Variants in BCL2L14 observed in about 807,000 individuals in gnomAD.
The protein encoded by BCL2L14 is apoptosis facilitator Bcl-2-like protein 14.
Under a neutral mutation model 35.3 loss-of-function variants are expected in BCL2L14, and 27 were observed. That is an observed-to-expected ratio of 0.76 (90% CI 0.56 to 1.05). The LOEUF (loss-of-function observed/expected upper bound fraction) is 1.05, where lower values mean the gene tolerates loss of function less well. BCL2L14 is among the 50% of genes least tolerant of loss of function. The pLI is 0.00. For missense variants in BCL2L14, 377 were observed against 382.6 expected (o/e 0.99, Z 0.12); for synonymous variants, 139 against 145.9 (o/e 0.95, Z 0.34).
At chr12:12,055,209 AG>A (rs1372614593) in intron 2 of BCL2L14, 1 of 152,212 alleles carries the variant, frequency 6.6e-6, no homozygotes, top group Non-Finnish European at 1.5e-5. Context: ...GCACAATTCA[AG>A]TACACATACG....
At chr12:12,091,552 C>A (rs922299389) in intron 4 of BCL2L14, among the ~76,000 whole-genome samples, 12 of 152,130 alleles carry the variant, frequency 7.9e-5, no homozygotes, top group African/African-American at 2.9e-4. Flanking sequence ...GACATAGACC[C>A]TTGTTTTTCC....
chr12:12,082,486 C>A (rs1948949583), intron 2 of BCL2L14, among the ~76,000 whole-genome samples: 1 of 152,184 alleles, frequency 6.6e-6, no homozygotes, highest in Admixed American at 6.5e-5. Flanking sequence ...CTTTTACAGA[C>A]CTTAGTCTTC....
chr12:12,069,545 A>C (rs1449583044), upstream of BCL2L14, among the ~76,000 whole-genome samples: 2 of 132,644 alleles, frequency 1.5e-5, no homozygotes, highest in Non-Finnish European at 3.4e-5. Context: ...TAAAAATACA[A>C]AAAAAAAAAA....
intron 4 of BCL2L14, among the ~76,000 whole-genome samples, chr12:12,091,811 C>G (rs1164503768): frequency 6.6e-6 from 1 of 152,140 alleles, no homozygotes; most frequent in Admixed American, 6.5e-5. Flanking sequence ...GCAGAGGAAG[C>G]AAGAGATGGA....
At chr12:12,094,615 C>T (rs188940783) in intron 4 of BCL2L14, 49 bp from the exon 5 acceptor site, 3 of 1,614,104 alleles carry the variant, frequency 1.9e-6, no homozygotes, top group African/African-American at 2.7e-5. Flanking sequence ...CTTCTGTCTG[C>T]CTCGTGGAGC....
chr12:12,088,462 C>T (rs1265446705), intron 3 of BCL2L14, among the ~76,000 whole-genome samples: 1 of 152,166 alleles, frequency 6.6e-6, no homozygotes, highest in African/African-American at 2.4e-5. Flanking sequence ...GAAAATGCGG[C>T]CGCCATGTTG....
Position 12,099,204 on chromosome 12 carries a change from G to A in BCL2L14, c.*216G>A. 1 of 542,418 alleles carries A rather than the reference G, an allele frequency of 1.8e-6. No homozygotes were observed. Among genetic ancestry groups the A allele is most frequent in the South Asian group, 2.3e-5 (1 of 44,174 alleles). The allele number at this position is 542,418 out of a possible 1,614,324, so 33.6% of individuals were successfully genotyped here. The stretch of plus-strand genomic sequence containing the variant: ...TCATCCTTGACAGTGATGTTTTTCA[G>A]GCCCTCCATTGAGAACCTGAGGAAA... On this transcript the variant is annotated 3_prime_UTR_variant, in exon 6 of 6. Coordinates refer to ENST00000308721, the MANE Select transcript of BCL2L14 (RefSeq NM_138723.2).
chr12:12,087,459 A>C, intron 3 of BCL2L14, 73 bp downstream of exon 3: 1 of 1,514,478 alleles, frequency 6.6e-7, no homozygotes, highest in Non-Finnish European at 9.0e-7. Context: ...TATCCATCCC[A>C]GGGCTCGGCA....
At chr12:12,064,943 C>CAGCA in intron 2 of BCL2L14, among the ~76,000 whole-genome samples, 1 of 152,316 alleles carries the variant, frequency 6.6e-6, no homozygotes, top group Non-Finnish European at 1.5e-5. Context: ...TATAGCAACA[C>CAGCA]AGCACTATCA....
chr12:12,090,168 C>T (rs995297486), intron 3 of BCL2L14, among the ~76,000 whole-genome samples: 59 of 152,122 alleles, frequency 3.9e-4, no homozygotes, highest in African/African-American at 1.3e-3. Flanking sequence ...AAACCGATGT[C>T]TTCAACAACA....
chr12:12,095,353 A>T, intron 5 of BCL2L14: 1 of 985,408 alleles, frequency 1.0e-6, no homozygotes, highest in Non-Finnish European at 1.2e-6. Flanking sequence ...GCAGAGACTC[A>T]GGGTTCATGG....
intron 2 of BCL2L14, among the ~76,000 whole-genome samples, chr12:12,085,038 C>T (rs920235514): frequency 7.0e-6 from 1 of 143,418 alleles, no homozygotes; most frequent in Non-Finnish European, 1.5e-5. Flanking sequence ...GAGCCGAGAT[C>T]GTGCCATTGC....
intron 5 of BCL2L14, chr12:12,096,094 T>A: frequency 1.0e-6 from 1 of 985,312 alleles, no homozygotes; most frequent in South Asian, 4.7e-5. Flanking sequence ...TCCTGACCCT[T>A]CCAGCTCAAA....
intron 5 of BCL2L14, chr12:12,095,207 A>G (rs1949288849): frequency 5.2e-5 from 51 of 985,398 alleles, no homozygotes; most frequent in Non-Finnish European, 5.9e-5. Flanking sequence ...AGATGCTGAG[A>G]TAAGAAATGT....
intron 2 of BCL2L14, among the ~76,000 whole-genome samples, chr12:12,083,179 T>C (rs1289101262): frequency 2.0e-5 from 3 of 152,128 alleles, no homozygotes; most frequent in Non-Finnish European, 4.4e-5. Context: ...TTAGCCAGGA[T>C]GGTCTCGATC....
chr12:12,060,014 C>G (rs371016428), intron 2 of BCL2L14, among the ~76,000 whole-genome samples: 1 of 151,932 alleles, frequency 6.6e-6, no homozygotes, highest in Admixed American at 6.6e-5. Flanking sequence ...TCCCCTCAGT[C>G]CCAACCCCAA....
At chr12:12,094,270 C>G (rs984038324) in intron 4 of BCL2L14, among the ~76,000 whole-genome samples, 1 of 152,144 alleles carries the variant, frequency 6.6e-6, no homozygotes, top group Non-Finnish European at 1.5e-5. Flanking sequence ...GATTCCTAAG[C>G]TTCAGATCCT....
chr12:12,066,063 T>A (rs553496769), upstream of BCL2L14, among the ~76,000 whole-genome samples: 5 of 152,304 alleles, frequency 3.3e-5, no homozygotes, highest in African/African-American at 1.2e-4. Flanking sequence ...AGTGTTGGAA[T>A]TACAGGCGTG....
rs1043342944 is a variant in BCL2L14, at chr12:12,079,426, GCT to G, written c.126_127del (p.Phe43LeufsTer22). The G allele has an allele frequency of 1.9e-6, 3 of 1,614,054 alleles. No homozygotes were observed. The African/African-American group carries it at 4.0e-5, about 22-fold the overall frequency. On this transcript the variant is annotated frameshift_variant, in exon 2 of 6. Coordinates refer to ENST00000308721, the MANE Select transcript of BCL2L14 (RefSeq NM_138723.2). LOFTEE classifies it high-confidence loss of function. ...TRHHVFKSTPALFSPKLLRTR... is the reference protein window; with the variant it reads ...TRHHVFKSTPXLFSPKLLRTR... ...ACATCATGTCTTCAAGAGCACCCCT[GCT>G]CTCTTCTCACCAAAGCTGCTGAGAA... is the stretch of plus-strand genomic sequence containing the variant.
Sources: gnomAD v4.1 joint callset for allele counts (sites outside exome capture counted in the v4.1 genomes callset) on GRCh38, gnomAD v4.1.1 for gene constraint, MANE v1.5 for transcripts, NCBI Gene and HGNC (gene_info 2026-07-23, HGNC 2026-07-21) for gene names.